The following NRXN3 variants were observed in gnomAD, a reference collection of about 807,000 sequenced individuals.
NRXN3 encodes the protein neurexin III.
In NRXN3, 32 loss-of-function variants were observed where a neutral mutation model predicts 137.6. The ratio of observed to expected loss-of-function variants is 0.23; its 90% CI spans 0.18 to 0.31. NRXN3 has a LOEUF of 0.31. NRXN3 is among the 10% of genes least tolerant of loss of function. The pLI is 1.00. For synonymous variants in NRXN3, 798 were observed against 784.5 expected, an observed-to-expected ratio of 1.02 and a Z score of -0.29; for missense variants, 1,574 against 2,062.5, an observed-to-expected ratio of 0.76 and a Z score of 4.59.
intron 15 of NRXN3, among the ~76,000 whole-genome samples, chr14:79,375,361 G>A (rs1335633414): frequency 7.4e-6 from 1 of 134,604 alleles, no homozygotes; most frequent in East Asian, 2.3e-4. Flanking sequence ...TGAATGCATT[G>A]TTTTGACTCT....
Position 78,877,846 on chromosome 14 carries a change from C to T in NRXN3, c.2275+67502C>T, listed in dbSNP as rs1423568928. Among the ~76,000 whole-genome samples, 14 of 152,186 alleles carry T rather than the reference C, an allele frequency of 9.2e-5. No homozygotes were observed. In the East Asian group the frequency reaches 2.7e-3, roughly 29 times the overall value. The stretch of plus-strand genomic sequence containing the variant: ...ACATAAATCGAGCACCTTCCAGGTG[C>T]CAGATACTATGTTGGATTCGAGGAA... On this transcript the variant is annotated intron_variant, in intron 10 of 20. Transcript: ENST00000335750.
At chr14:78,522,645 C>A (rs1175713034) in intron 4 of NRXN3, among the ~76,000 whole-genome samples, 1 of 152,112 alleles carries the variant, frequency 6.6e-6, no homozygotes, top group Non-Finnish European at 1.5e-5. Context: ...TTCCAAAACT[C>A]ATTTGTAGTC....
intron 11 of NRXN3, among the ~76,000 whole-genome samples, chr14:78,957,707 G>A (rs1459058384): frequency 6.6e-6 from 1 of 152,150 alleles, no homozygotes; most frequent in Non-Finnish European, 1.5e-5. Flanking sequence ...CCATATGCCA[G>A]TTCCTTCCAT....
At chr14:79,512,455 C>T (rs2096940959) in intron 16 of NRXN3, among the ~76,000 whole-genome samples, 1 of 152,086 alleles carries the variant, frequency 6.6e-6, no homozygotes, top group Non-Finnish European at 1.5e-5. Context: ...AATCTATAAA[C>T]AATGTTATTT....
chr14:78,568,961 G>GTTT lies in NRXN3; in HGVS notation c.758-76137_758-76135dup, dbSNP rs34485878. 1.7e-3 allele frequency among the ~76,000 whole-genome samples: 173 copies of GTTT among 103,706 alleles called. 1 individual carries two copies. Among genetic ancestry groups the GTTT allele is most frequent in the African/African-American group, 3.4e-3 (84 of 24,452 alleles). 68.0% of individuals were successfully genotyped at this position (103,706 alleles called of 152,430 possible). A position where few individuals can be genotyped will look rare whatever the true frequency, so the allele number is the denominator to read the frequency against. The stretch of plus-strand genomic sequence containing the variant: ...TGTGGTGGGAAATATGACTTTGCAG[G>GTTT]TTTTTTTTTTTTTTTTTTTTTTTTG... On this transcript the variant is annotated intron_variant, in intron 4 of 20. Coordinates refer to ENST00000335750, the MANE Select transcript of NRXN3 (RefSeq NM_001330195.2).
intron 15 of NRXN3, among the ~76,000 whole-genome samples, chr14:79,088,642 A>ATAT (rs1568249138): frequency 6.6e-5 from 10 of 152,056 alleles, no homozygotes; most frequent in Non-Finnish European, 8.8e-5. Flanking sequence ...ATTAGGTTAG[A>ATAT]ATATATTCAA....
chr14:78,855,180 C>G lies in NRXN3; in HGVS notation c.2275+44836C>G, dbSNP rs1402833022. Among the ~76,000 whole-genome samples, 5 of 148,704 alleles carry G rather than the reference C, an allele frequency of 3.4e-5. 1 individual carries two copies. The South Asian group carries it at 1.1e-3, about 32-fold the overall frequency. On this transcript the variant is annotated intron_variant, in intron 10 of 20. Coordinates refer to ENST00000335750, the MANE Select transcript of NRXN3 (RefSeq NM_001330195.2). The stretch of plus-strand genomic sequence containing the variant: ...TGCATCTCAAAAAAAAAAAAACATA[C>G]AAAAAAGGTATATATGACTATAGCC...
chr14:79,114,559 T>C (rs1452969187), intron 15 of NRXN3, among the ~76,000 whole-genome samples: 6 of 152,212 alleles, frequency 3.9e-5, no homozygotes, highest in Non-Finnish European at 8.8e-5. Flanking sequence ...GTCTACTATA[T>C]TAGGTTTTGT....
chr14:78,839,649 G>A (rs1384779206), intron 10 of NRXN3, among the ~76,000 whole-genome samples: 1 of 152,136 alleles, frequency 6.6e-6, no homozygotes, highest in East Asian at 1.9e-4. Context: ...CGAGTATGTT[G>A]CCTCACTCAA....
At chr14:78,696,098 A>AT (rs2098223340) in intron 6 of NRXN3, among the ~76,000 whole-genome samples, 1 of 152,014 alleles carries the variant, frequency 6.6e-6, no homozygotes, top group African/African-American at 2.4e-5. Flanking sequence ...GGAGAGATCA[A>AT]TTTTTCTAGT....
chr14:79,416,264 G>T (rs1299492213), intron 15 of NRXN3, among the ~76,000 whole-genome samples: 1 of 152,082 alleles, frequency 6.6e-6, no homozygotes, highest in African/African-American at 2.4e-5. Flanking sequence ...TAATGTGGTT[G>T]ATCAGCTTTT....
intron 20 of NRXN3, among the ~76,000 whole-genome samples, chr14:79,851,254 A>C (rs1302775832): frequency 6.6e-6 from 1 of 152,176 alleles, no homozygotes; most frequent in Non-Finnish European, 1.5e-5. Flanking sequence ...ATGCCTTTTG[A>C]GACCGACCAT....
chr14:79,643,015 A>C (rs2098439572), intron 16 of NRXN3, among the ~76,000 whole-genome samples: 2 of 135,910 alleles, frequency 1.5e-5, no homozygotes, highest in South Asian at 4.6e-4. Flanking sequence ...TTCTTCTGTT[A>C]GCTAATTTCA....
At chr14:78,328,919 G>T (rs145204613) in intron 4 of NRXN3, among the ~76,000 whole-genome samples, 1 of 152,092 alleles carries the variant, frequency 6.6e-6, no homozygotes, top group African/African-American at 2.4e-5. Flanking sequence ...AGTGCAGCAG[G>T]CATTTGGGGT....
intron 15 of NRXN3, among the ~76,000 whole-genome samples, chr14:79,326,273 G>A (rs770953834): frequency 3.3e-5 from 5 of 152,178 alleles, no homozygotes; most frequent in South Asian, 2.1e-4. Context: ...TCCCTAGTCC[G>A]TATCCCTAAA....
chr14:78,315,229 T>C (rs1331446344), intron 4 of NRXN3, among the ~76,000 whole-genome samples: 2 of 151,822 alleles, frequency 1.3e-5, no homozygotes, highest in African/African-American at 4.8e-5. Flanking sequence ...TTGACCTAAG[T>C]TGATCCGCCC....
intron 17 of NRXN3, among the ~76,000 whole-genome samples, chr14:79,669,439 A>C (rs546638944): frequency 6.6e-6 from 1 of 152,244 alleles, no homozygotes; most frequent in East Asian, 1.9e-4. Flanking sequence ...GAATATTCAC[A>C]CTGCTAACTA....
At chr14:79,668,457 T>A (rs777346455) in intron 17 of NRXN3, among the ~76,000 whole-genome samples, 1 of 152,148 alleles carries the variant, frequency 6.6e-6, no homozygotes, top group Non-Finnish European at 1.5e-5. Flanking sequence ...TAAATAACTT[T>A]CCCAGTGTCA....
At chr14:78,317,123 G>T (rs2078797722) in intron 4 of NRXN3, among the ~76,000 whole-genome samples, 2 of 152,212 alleles carry the variant, frequency 1.3e-5, no homozygotes, top group Admixed American at 6.5e-5. Flanking sequence ...AGAACCGATG[G>T]TGTCAATCCC....
Sources: allele counts gnomAD v4.1 joint callset (sites outside exome capture counted in the v4.1 genomes callset), GRCh38; gene constraint gnomAD v4.1.1; transcripts MANE v1.5; gene names NCBI Gene and HGNC (gene_info 2026-07-23, HGNC 2026-07-21).